Variants in CASD1 observed in about 807,000 individuals in gnomAD.
CASD1 encodes the protein CAS1 domain sialic acid O acetyltransferase 1.
Under a neutral mutation model 100.0 loss-of-function variants are expected in CASD1, and 41 were observed. The ratio of observed to expected loss-of-function variants is 0.41; its 90% confidence interval spans 0.32 to 0.53. CASD1 has a LOEUF of 0.53. Among genes scored for constraint, CASD1 ranks in the 20% least tolerant of loss-of-function variants. The pLI is 0.25. For synonymous variants in CASD1, 321 were observed against 315.6 expected (o/e 1.02, Z -0.18); for missense variants, 774 against 948.7 (o/e 0.82, Z 2.42).
chr7:94,523,644 T>G (rs574904693), intron 3 of CASD1, among the ~76,000 whole-genome samples: 3 of 152,226 alleles, frequency 2.0e-5, no homozygotes, highest in Non-Finnish European at 4.4e-5. Context: ...CAAACCGATC[T>G]GTAGGTTCAG....
At chr7:94,593,415 G>A in the CASD1 span, among the ~76,000 whole-genome samples, 2 of 151,864 alleles carry the variant, frequency 1.3e-5, no homozygotes, top group Admixed American at 6.6e-5. Context: ...AAATCAATTG[G>A]TATTGATGTT....
the CASD1 span, among the ~76,000 whole-genome samples, chr7:94,602,684 G>A: frequency 6.6e-6 from 1 of 151,858 alleles, no homozygotes. Context: ...GCAAACATAT[G>A]TAAAATATTA....
rs143249419 is a variant in CASD1 at position 94,528,067 on chromosome 7, G to A, written c.397-121G>A. 1.1e-3 allele frequency: 769 copies of A among 693,062 alleles called. 15 individuals are homozygous for A. In the East Asian group the frequency reaches 0.02, roughly 18 times the overall value. The allele number at this position is 693,062 out of a possible 1,614,324, so 42.9% of individuals were successfully genotyped here. A position where few individuals can be genotyped will look rare whatever the true frequency, so the allele number is the denominator to read the frequency against. ...CCAAATTAAGATAGGAATTGAAGAT[G>A]TCTTGGACAAGGTAGTGTTTTACTT... On this transcript the variant is annotated intron_variant, in intron 4 of 17. Coordinates refer to ENST00000297273, the MANE Select transcript of CASD1 (RefSeq NM_022900.5).
chr7:94,546,806 A>G (rs1795703697), intron 12 of CASD1, among the ~76,000 whole-genome samples: 1 of 151,870 alleles, frequency 6.6e-6, no homozygotes, highest in Non-Finnish European at 1.5e-5. Flanking sequence ...TGAATAATGA[A>G]TAAGTATAAT....
rs1025805780 is a variant in CASD1 at position 94,533,671 on chromosome 7, C to T, written c.505-8C>T. The T allele has an allele frequency of 1.8e-5, 29 of 1,584,844 alleles. 2 individuals are homozygous for T. In the South Asian group the frequency reaches 2.3e-4, roughly 13 times the overall value. ...CTAAATTAATGCATAATTTGTACTT[C>T]TTTTTAGTGGTCCATCAAGATTCAC... On this transcript the variant is annotated splice_polypyrimidine_tract_variant and splice_region_variant and intron_variant, in intron 6 of 17. Transcript: ENST00000297273.
chr7:94,564,176 C>T, the CASD1 span, among the ~76,000 whole-genome samples: 1 of 152,204 alleles, frequency 6.6e-6, no homozygotes, highest in Non-Finnish European at 1.5e-5. Flanking sequence ...AACACATTCA[C>T]TAAGCCAGTA....
intron 13 of CASD1, 84 bp downstream of exon 13, chr7:94,547,259 CT>C (rs977585194): frequency 2.5e-4 from 240 of 952,524 alleles, no homozygotes; most frequent in Middle Eastern, 6.1e-4. Flanking sequence ...AGAGTCAGAG[CT>C]TTTTTTTAGC....
chr7:94,559,059 C>T (rs1051414869), downstream of CASD1, among the ~76,000 whole-genome samples: 2 of 152,156 alleles, frequency 1.3e-5, no homozygotes, highest in Non-Finnish European at 1.5e-5. Flanking sequence ...CTCAGCCTCC[C>T]AAAGTGCTGG....
chr7:94,512,270 A>G (rs1000216891), intron 1 of CASD1, among the ~76,000 whole-genome samples: 2 of 152,188 alleles, frequency 1.3e-5, no homozygotes, highest in African/African-American at 4.8e-5. Flanking sequence ...AAAAAATTGC[A>G]AAAAATCTCG....
At position 94,517,579 on chromosome 7, in the gene CASD1, C is replaced by T. The variant is rs751315598; in HGVS notation, c.153C>T (p.Tyr51=). The stretch of plus-strand genomic sequence containing the variant: ...TTTTAGGCAATGATTCGTGTGAATA[C>T]CTTCTCTCAAGTGGCAGATTTCTTG... ...RRYRGNDSCE[Y]LLSSGRFLGE... is the part of the protein sequence containing the mutation. Residue 51 remains tyrosine (Y), a synonymous_variant, in exon 2 of 18, where the codon TAC becomes TAT. Coordinates refer to ENST00000297273, the MANE Select transcript of CASD1 (RefSeq NM_022900.5). The T allele has an allele frequency of 1.2e-6, 2 of 1,611,800 alleles. No homozygotes were observed. The highest frequency in any genetic ancestry group is 1.7e-6 in the Non-Finnish European group (2 of 1,178,412).
At chr7:94,540,596 C>A (rs1380652866) in intron 10 of CASD1, among the ~76,000 whole-genome samples, 2 of 152,102 alleles carry the variant, frequency 1.3e-5, no homozygotes, top group African/African-American at 2.4e-5. Flanking sequence ...TGTGATGCTG[C>A]AGCTGACGGG....
the CASD1 span, among the ~76,000 whole-genome samples, chr7:94,563,126 G>A: frequency 6.6e-6 from 1 of 152,132 alleles, no homozygotes; most frequent in African/African-American, 2.4e-5. Context: ...CTCCAATGAT[G>A]TATGACAAAG....
rs551801415 is a variant in CASD1 at position 94,544,750 on chromosome 7, G to A, written c.1476+220G>A. ...TAATTTAATATATAATAAAAGCACT[G>A]GTACACAGGAGACAGCATTGCTGAT... is the stretch of plus-strand genomic sequence containing the variant. On this transcript the variant is annotated intron_variant, in intron 11 of 17. Transcript: ENST00000297273. Among the ~76,000 whole-genome samples, 44 of 152,170 alleles carry A rather than the reference G, an allele frequency of 2.9e-4. 1 individual carries two copies. In the South Asian group the frequency reaches 9.1e-3, roughly 32 times the overall value.
Position 94,509,998 on chromosome 7 carries a change from T to TGGCTGCAGCGGCGGC in CASD1, c.-86_-72dup. On this transcript the variant is annotated 5_prime_UTR_variant, in exon 1 of 18. Transcript: ENST00000297273. The stretch of plus-strand genomic sequence containing the variant: ...GGGGAGCTGGCGGCCGCTCCTCGCC[T>TGGCTGCAGCGGCGGC]GGCTGCAGCGGCGGCAGCCCCAGTG... 7.8e-7 allele frequency: 1 copy of TGGCTGCAGCGGCGGC among 1,287,062 alleles called. No individual in the cohort carries two copies. The highest frequency in any genetic ancestry group is 3.2e-5 in the East Asian group (1 of 30,796). The allele number at this position is 1,287,062 out of a possible 1,614,324, so 79.7% of individuals were successfully genotyped here.
At chr7:94,597,821 A>G in the CASD1 span, 4 of 152,370 alleles carry the variant, frequency 2.6e-5, no homozygotes, top group African/African-American at 9.7e-5. Flanking sequence ...AGCCTGGCCA[A>G]CATGGTGAAA....
At chr7:94,512,660 G>A (rs975715791) in intron 1 of CASD1, among the ~76,000 whole-genome samples, 6 of 152,168 alleles carry the variant, frequency 3.9e-5, no homozygotes, top group African/African-American at 1.2e-4. Flanking sequence ...ACCATTCTAT[G>A]AGGTAGATAC....
the CASD1 span, among the ~76,000 whole-genome samples, chr7:94,614,110 A>AG: frequency 2.0e-5 from 3 of 148,216 alleles, no homozygotes; most frequent in East Asian, 5.8e-4. Flanking sequence ...TTGAAATCAA[A>AG]AAAAAAAAAA....
the CASD1 span, chr7:94,629,988 A>G: frequency 2.3e-6 from 2 of 866,370 alleles, no homozygotes; most frequent in South Asian, 3.5e-5. Context: ...AACTGTTAAT[A>G]ACAATTTGTT....
intron 16 of CASD1, 105 bp from the exon 17 acceptor site, chr7:94,554,378 A>G (rs1335182507): frequency 7.1e-6 from 5 of 705,298 alleles, no homozygotes; most frequent in Admixed American, 2.8e-5. Context: ...ATATGTGTCA[A>G]GTTCACAAAC....
Sources: gnomAD v4.1 joint callset for allele counts (sites outside exome capture counted in the v4.1 genomes callset) on GRCh38, gnomAD v4.1.1 for gene constraint, MANE v1.5 for transcripts, NCBI Gene and HGNC (gene_info 2026-07-23, HGNC 2026-07-21) for gene names.